Variants in UBE2E2 observed in about 807,000 individuals in gnomAD.
UBE2E2 encodes the protein ubiquitin conjugating enzyme E2 E2, also known as ubiquitin-conjugating enzyme E2 E2.
In UBE2E2, 6 loss-of-function variants were observed where a neutral mutation model predicts 24.7. The observed-to-expected ratio is 0.24, with a 90% CI of 0.13 to 0.48. The LOEUF (loss-of-function observed/expected upper bound fraction) is 0.48, where lower values mean the gene tolerates loss of function less well. Among genes scored for constraint, UBE2E2 ranks in the 20% least tolerant of loss-of-function variants. UBE2E2 has a pLI of 0.99. For synonymous variants in UBE2E2, 104 were observed against 83.6 expected, an observed-to-expected ratio of 1.24 and a Z score of -1.33; for missense variants, 169 against 245.0, an observed-to-expected ratio of 0.69 and a Z score of 2.07.
chr3:23,383,989 T>C (rs1696744453), intron 3 of UBE2E2, among the ~76,000 whole-genome samples: 1 of 152,126 alleles, frequency 6.6e-6, no homozygotes, highest in Admixed American at 6.5e-5. Flanking sequence ...CTCAAAGTGA[T>C]GGTTTGTGTT....
At chr3:23,329,327 T>G (rs1694998721) in intron 3 of UBE2E2, among the ~76,000 whole-genome samples, 1 of 152,190 alleles carries the variant, frequency 6.6e-6, no homozygotes, top group African/African-American at 2.4e-5. Flanking sequence ...TTTTATCAGT[T>G]GCTGTGGGGG....
chr3:23,205,073 A>G (rs1002253915), intron 1 of UBE2E2, among the ~76,000 whole-genome samples: 4 of 152,220 alleles, frequency 2.6e-5, no homozygotes, highest in African/African-American at 9.7e-5. Context: ...GACTGTAATT[A>G]CAACATAGGG....
chr3:23,322,011 C>G (rs921854085), intron 3 of UBE2E2, among the ~76,000 whole-genome samples: 2 of 152,018 alleles, frequency 1.3e-5, no homozygotes, highest in African/African-American at 2.4e-5. Flanking sequence ...AATCCTTTGT[C>G]ATAAAAATAG....
chr3:23,316,120 C>A (rs1694570620), intron 3 of UBE2E2, among the ~76,000 whole-genome samples: 1 of 152,170 alleles, frequency 6.6e-6, no homozygotes, highest in Non-Finnish European at 1.5e-5. Flanking sequence ...CCTGTAACCA[C>A]TGACTGGCTA....
At position 23,299,578 on chromosome 3, in the gene UBE2E2, A is replaced by G. The variant is rs562217244; in HGVS notation, c.227+82266A>G. On this transcript the variant is annotated intron_variant, in intron 3 of 5. Coordinates refer to ENST00000396703, the MANE Select transcript of UBE2E2 (RefSeq NM_152653.4). ...TTCAGGAGCAGGTTGTTCAGTTTCC[A>G]TGTAGTTGCACGGTTTTGAGTGAGT... Among the ~76,000 whole-genome samples, 99 of 152,260 alleles carry G rather than the reference A, an allele frequency of 6.5e-4. 5 individuals carry two copies. The East Asian group carries it at 0.016, about 24-fold the overall frequency.
chr3:23,586,529 C>G (rs906297456), intron 5 of UBE2E2, among the ~76,000 whole-genome samples: 6 of 152,056 alleles, frequency 3.9e-5, no homozygotes, highest in East Asian at 1.9e-4. Context: ...AACTCCTGGC[C>G]TCAAGCTGTC....
intron 3 of UBE2E2, among the ~76,000 whole-genome samples, chr3:23,378,720 T>C (rs780707767): frequency 2.6e-5 from 4 of 152,204 alleles, no homozygotes; most frequent in Non-Finnish European, 5.9e-5. Flanking sequence ...AAAAAGTGTG[T>C]TGATTTTAAA....
intron 1 of UBE2E2, chr3:23,204,798 A>G (rs1696101455): frequency 2.1e-6 from 2 of 970,896 alleles, no homozygotes; most frequent in Non-Finnish European, 1.2e-6. Context: ...TTTATTTTAC[A>G]TTTTAGAAAA....
chr3:23,477,792 C>T (rs993885329), intron 3 of UBE2E2, among the ~76,000 whole-genome samples: 34 of 152,234 alleles, frequency 2.2e-4, no homozygotes, highest in African/African-American at 1.2e-4. Flanking sequence ...CCGCCATAAT[C>T]GACACATGTC....
At position 23,458,426 on chromosome 3, in the gene UBE2E2, G is replaced by GGTGGTGGTGGTGGTGGTGGTT. The variant is rs1424119249; in HGVS notation, c.228-41180_228-41179insGGTGGTGGTGGTGGTGGTTGT. ...TGGTGGTGGTGGTGGTGGTGGTGGTGGTTGTTGTTGTTTGAGACGGAGTCT... is the reference window on the plus strand; with the variant it reads ...TGGTGGTGGTGGTGGTGGTGGTGGTGGTGGTGGTGGTGGTGGTGGTTGTTGTTGTTGTTTGAGACGGAGTCT... On this transcript the variant is annotated intron_variant, in intron 3 of 5. Transcript: ENST00000396703. Among the ~76,000 whole-genome samples the GGTGGTGGTGGTGGTGGTGGTT allele has an allele frequency of 4.3e-3, 636 of 147,958 alleles. 6 individuals are homozygous for GGTGGTGGTGGTGGTGGTGGTT. The highest frequency in any genetic ancestry group is 0.015 in the African/African-American group (574 of 38,590).
At chr3:23,458,200 A>G (rs1303665508) in intron 3 of UBE2E2, among the ~76,000 whole-genome samples, 1 of 151,914 alleles carries the variant, frequency 6.6e-6, no homozygotes, top group Non-Finnish European at 1.5e-5. Flanking sequence ...GCTATTGTAG[A>G]CCTAATTTCA....
At chr3:23,264,272 G>A (rs908480038) in intron 3 of UBE2E2, among the ~76,000 whole-genome samples, 2 of 150,506 alleles carry the variant, frequency 1.3e-5, no homozygotes, top group African/African-American at 4.9e-5. Context: ...TTTACTGTTC[G>A]TATCTTTAGG....
At chr3:23,394,307 A>G (rs1363045582) in intron 3 of UBE2E2, among the ~76,000 whole-genome samples, 2 of 152,214 alleles carry the variant, frequency 1.3e-5, no homozygotes, top group African/African-American at 4.8e-5. Context: ...TGTTTTATCA[A>G]CAGTGTTGAA....
At chr3:23,377,125 C>G (rs901096991) in intron 3 of UBE2E2, among the ~76,000 whole-genome samples, 1 of 152,158 alleles carries the variant, frequency 6.6e-6, no homozygotes, top group Non-Finnish European at 1.5e-5. Flanking sequence ...AGCTGACTGG[C>G]ATTGGGTCCG....
At chr3:23,541,048 A>T (rs1695386389) in intron 5 of UBE2E2, among the ~76,000 whole-genome samples, 1 of 152,258 alleles carries the variant, frequency 6.6e-6, no homozygotes, top group African/African-American at 2.4e-5. Context: ...CAGCATAATA[A>T]AACAACTCTA....
chr3:23,531,957 G>C (rs983800050), intron 4 of UBE2E2, among the ~76,000 whole-genome samples: 1 of 151,684 alleles, frequency 6.6e-6, no homozygotes, highest in Non-Finnish European at 1.5e-5. Flanking sequence ...AGCTACTTGG[G>C]AGGCTGAGGC....
intron 5 of UBE2E2, among the ~76,000 whole-genome samples, chr3:23,537,494 A>G (rs754617295): frequency 5.3e-5 from 8 of 152,172 alleles, no homozygotes; most frequent in Non-Finnish European, 1.0e-4. Flanking sequence ...TCAGCCTTGT[A>G]TAGTGATTAA....
intron 5 of UBE2E2, among the ~76,000 whole-genome samples, chr3:23,576,410 T>TAATTATGTTTAAAAAAACATAATTTTTA (rs1342927550): frequency 4.6e-5 from 7 of 152,084 alleles, no homozygotes; most frequent in South Asian, 4.2e-4. Context: ...AATAACAAAA[T>TAATTATGTTTAAAAAAACATAATTTTTA]AATTATGTTT....
At chr3:23,500,021 A>G (rs991307726) in intron 4 of UBE2E2, among the ~76,000 whole-genome samples, 5 of 151,802 alleles carry the variant, frequency 3.3e-5, no homozygotes, top group African/African-American at 4.8e-5. Flanking sequence ...ACCATGTTTT[A>G]TGGGTGAAAA....
Sources: allele counts gnomAD v4.1 joint callset (sites outside exome capture counted in the v4.1 genomes callset), GRCh38; gene constraint gnomAD v4.1.1; transcripts MANE v1.5; gene names NCBI Gene and HGNC (gene_info 2026-07-23, HGNC 2026-07-21).